VPS13D: variants seen among roughly 807,000 people sequenced by gnomAD.
VPS13D encodes vacuolar protein sorting 13 homolog D, also known as intermembrane lipid transfer protein VPS13D.
VPS13D carries 187 observed loss-of-function variants against 461.9 expected under a neutral mutation model. The observed-to-expected ratio is 0.40, with a 90% CI of 0.36 to 0.46. The LOEUF is 0.46. Among genes scored for constraint, VPS13D ranks in the 20% least tolerant of loss-of-function variants. The pLI is 0.60. For synonymous variants in VPS13D, 1,951 were observed against 1,986.3 expected (o/e 0.98, Z 0.47); for missense variants, 4,711 against 5,364.9 (o/e 0.88, Z 3.81).
intron 63 of VPS13D, among the ~76,000 whole-genome samples, chr1:12,411,017 TGA>T (rs1372104157): frequency 6.6e-6 from 1 of 152,118 alleles, no homozygotes; most frequent in East Asian, 1.9e-4. Flanking sequence ...TACTAATTGG[TGA>T]GATAGTAAAA....
intron 67 of VPS13D, among the ~76,000 whole-genome samples, chr1:12,493,387 G>A (rs961047635): frequency 6.6e-6 from 1 of 151,422 alleles, no homozygotes; most frequent in East Asian, 1.9e-4. Flanking sequence ...GGAGGCTGAG[G>A]CAGGAGAATG....
At chr1:12,310,113 T>C (rs960122211) in intron 27 of VPS13D, among the ~76,000 whole-genome samples, 1 of 152,170 alleles carries the variant, frequency 6.6e-6, no homozygotes, top group African/African-American at 2.4e-5. Context: ...AAAAAAAAGC[T>C]TTCCTATTCA....
At chr1:12,252,340 C>A (rs1234876576) in intron 6 of VPS13D, among the ~76,000 whole-genome samples, 1 of 152,190 alleles carries the variant, frequency 6.6e-6, no homozygotes, top group Admixed American at 6.5e-5. Flanking sequence ...ACCAATACTG[C>A]CCCCACCGCA....
rs1341829415 is a variant in VPS13D, at chr1:12,509,149, G to A, written c.*125G>A. 10 of 1,217,216 alleles carry A rather than the reference G, an allele frequency of 8.2e-6. No individual in the cohort carries two copies. The allele number at this position is 1,217,216 out of a possible 1,614,324, so 75.4% of individuals were successfully genotyped here. A position where few individuals can be genotyped will look rare whatever the true frequency, so the allele number is the denominator to read the frequency against. On this transcript the variant is annotated 3_prime_UTR_variant, in exon 70 of 70. Transcript: ENST00000620676. ...GTTTGGGGAAGTTGTCAAGGAATGA[G>A]GGAAAGTAAATCCTCATGAGGAAAA...
At chr1:12,298,456 A>G (rs1229875517) in intron 24 of VPS13D, among the ~76,000 whole-genome samples, 5 of 152,164 alleles carry the variant, frequency 3.3e-5, no homozygotes, top group African/African-American at 7.2e-5. Flanking sequence ...TCTGGCCAAC[A>G]TGGTGAAACC....
intron 50 of VPS13D, among the ~76,000 whole-genome samples, chr1:12,361,403 AT>A (rs1297978975): frequency 5.2e-5 from 7 of 134,000 alleles, no homozygotes; most frequent in Non-Finnish European, 7.9e-5. Flanking sequence ...TTATTTATTT[AT>A]TTTTTTTTTG....
chr1:12,327,712 G>C lies in VPS13D; in HGVS notation c.8055G>C (p.Leu2685Phe). ...KNAEPLKSLS[L>F]ASTSRDSPGA... is the part of the protein sequence containing the mutation. ...CGGAACCTCTGAAGTCTCTTTCCTT[G>C]GCCTCCACCAGCCGAGATAGCCCAG... Residue 2685 changes from leucine to phenylalanine, a missense_variant, in exon 36 of 70, where the codon TTG (leucine) becomes TTC (phenylalanine). By Grantham distance (22) the Leu-to-Phe change is conservative. This residue lies in a region of VPS13D where 4,411 missense variants were observed against 4,937.8 expected (regional missense o/e 0.89). Coordinates refer to ENST00000620676, the MANE Select transcript of VPS13D (RefSeq NM_015378.4). 2 of 1,614,030 alleles carry C rather than the reference G, an allele frequency of 1.2e-6. No homozygotes were observed. The highest frequency in any genetic ancestry group is 2.2e-5 in the South Asian group (2 of 91,046).
chr1:12,446,805 G>A (rs142580099), intron 65 of VPS13D, among the ~76,000 whole-genome samples: 113 of 152,278 alleles, frequency 7.4e-4, no homozygotes, highest in Middle Eastern at 3.4e-3. Flanking sequence ...TGAAATCACT[G>A]GTCCCAATCT....
intron 24 of VPS13D, among the ~76,000 whole-genome samples, chr1:12,295,646 T>G (rs1243591468): frequency 6.6e-6 from 1 of 152,234 alleles, no homozygotes; most frequent in Non-Finnish European, 1.5e-5. Context: ...CTTTTTTTCT[T>G]TCTTTAACAA....
intron 67 of VPS13D, chr1:12,478,934 C>T (rs577181137): frequency 4.0e-5 from 18 of 454,430 alleles, no homozygotes; most frequent in African/African-American, 2.2e-4. Context: ...CGTTTTCCTT[C>T]CCCATCACCT....
rs1210979257 is a variant in VPS13D at position 12,314,225 on chromosome 1, A to G, written c.7046A>G (p.Gln2349Arg). The G allele has an allele frequency of 6.2e-7, 1 of 1,614,198 alleles. No homozygotes were observed. Residue 2349 changes from glutamine (Q) to arginine (R), a missense_variant, in exon 30 of 70, where the codon CAG becomes CGG. Transcript: ENST00000620676. ...GCTTTTGACACCCGTTATGCTGGGC[A>G]GAAGACCAGCCCTGGCATGACGAAT... is the stretch of plus-strand genomic sequence containing the variant. ...MMAFDTRYAG[Q>R]KTSPGMTNVF...
chr1:12,490,123 T>C (rs1645856514), intron 67 of VPS13D, among the ~76,000 whole-genome samples: 1 of 152,196 alleles, frequency 6.6e-6, no homozygotes, highest in Non-Finnish European at 1.5e-5. Context: ...CTGCATATGA[T>C]AGTTTGGGAA....
intron 65 of VPS13D, among the ~76,000 whole-genome samples, chr1:12,453,405 A>C (rs1284627946): frequency 1.3e-5 from 2 of 152,104 alleles, no homozygotes; most frequent in African/African-American, 4.8e-5. Flanking sequence ...GCTTGAGAGA[A>C]ACAGGAAAGA....
At chr1:12,243,338 C>T (rs1640442575) in intron 3 of VPS13D, among the ~76,000 whole-genome samples, 1 of 152,172 alleles carries the variant, frequency 6.6e-6, no homozygotes, top group Non-Finnish European at 1.5e-5. Context: ...TATCATAGCT[C>T]ACTACAGCTT....
intron 2 of VPS13D, among the ~76,000 whole-genome samples, chr1:12,242,145 A>G (rs1351432412): frequency 6.6e-6 from 1 of 152,218 alleles, no homozygotes; most frequent in African/African-American, 2.4e-5. Context: ...TGTTATGGAA[A>G]ATGTAACTCT....
intron 21 of VPS13D, among the ~76,000 whole-genome samples, chr1:12,285,296 A>ATTTTT (rs67174302): frequency 4.7e-4 from 63 of 133,694 alleles, no homozygotes; most frequent in African/African-American, 1.6e-3. Flanking sequence ...TTATTTATTT[A>ATTTTT]TTTTTTTTTT....
chr1:12,281,812 A>G (rs1187136287), intron 20 of VPS13D, among the ~76,000 whole-genome samples: 1 of 152,094 alleles, frequency 6.6e-6, no homozygotes, highest in African/African-American at 2.4e-5. Flanking sequence ...TTCTAATTCC[A>G]TCATTATTTC....
chr1:12,370,118 C>G (rs920114231), intron 54 of VPS13D, among the ~76,000 whole-genome samples: 2 of 152,218 alleles, frequency 1.3e-5, no homozygotes, highest in African/African-American at 4.8e-5. Context: ...TCTTAATATT[C>G]ACCTAAAGCC....
chr1:12,447,783 G>A (rs1465501412), intron 65 of VPS13D, among the ~76,000 whole-genome samples: 10 of 152,200 alleles, frequency 6.6e-5, no homozygotes, highest in African/African-American at 2.4e-5. Context: ...AAAGTACTTT[G>A]TAAGAATGGA....
Sources: gnomAD v4.1 joint callset for allele counts (sites outside exome capture counted in the v4.1 genomes callset) on GRCh38, gnomAD v4.1.1 for gene constraint, gnomAD v4.1.1 regional missense constraint, MANE v1.5 for transcripts, NCBI Gene and HGNC (gene_info 2026-07-23, HGNC 2026-07-21) for gene names.